SV2C: variants seen among roughly 807,000 people sequenced by gnomAD.
The protein encoded by SV2C is solute carrier family 22 member B3.
SV2C carries 49 observed loss-of-function variants against 79.7 expected under a neutral mutation model. That is an observed-to-expected ratio of 0.61 (90% CI 0.49 to 0.78). SV2C has a LOEUF of 0.78. SV2C is among the 30% of genes least tolerant of loss of function. The pLI is 0.00. For synonymous variants in SV2C, 334 were observed against 333.2 expected (o/e 1.00, Z -0.03); for missense variants, 833 against 912.9 (o/e 0.91, Z 1.13).
intron 2 of SV2C, among the ~76,000 whole-genome samples, chr5:76,146,326 C>T (rs1226138251): frequency 2.0e-5 from 3 of 152,186 alleles, no homozygotes; most frequent in African/African-American, 7.2e-5. Flanking sequence ...AGAATAGCTA[C>T]TCCATGGACC....
chr5:75,957,474 A>C, the SV2C span, among the ~76,000 whole-genome samples: 2 of 152,026 alleles, frequency 1.3e-5, no homozygotes, highest in Admixed American at 1.3e-4. Context: ...TAATCTGGTG[A>C]CTGTCTTATC....
the SV2C span, among the ~76,000 whole-genome samples, chr5:75,995,491 G>C: frequency 6.6e-6 from 1 of 152,058 alleles, no homozygotes; most frequent in Non-Finnish European, 1.5e-5. Context: ...CTATGGAAAT[G>C]CAGTATATTA....
chr5:76,240,709 C>A (rs1205208310), intron 4 of SV2C, among the ~76,000 whole-genome samples: 1 of 152,164 alleles, frequency 6.6e-6, no homozygotes, highest in African/African-American at 2.4e-5. Flanking sequence ...GGGTTCACCT[C>A]TCAAGTAAAC....
chr5:75,895,519 A>G, the SV2C span, among the ~76,000 whole-genome samples: 1 of 152,120 alleles, frequency 6.6e-6, no homozygotes, highest in Non-Finnish European at 1.5e-5. Context: ...AGGAAGCATG[A>G]TGGTGGGGAA....
chr5:76,220,631 A>AG (rs1421015904), intron 4 of SV2C, among the ~76,000 whole-genome samples: 3 of 151,816 alleles, frequency 2.0e-5, no homozygotes, highest in Non-Finnish European at 4.4e-5. Context: ...AAAAAAAAAA[A>AG]AAAAAGAATT....
At chr5:76,312,384 C>T (rs1264839614) in intron 12 of SV2C, among the ~76,000 whole-genome samples, 1 of 152,290 alleles carries the variant, frequency 6.6e-6, no homozygotes, top group African/African-American at 2.4e-5. Flanking sequence ...TCCTGAGTAA[C>T]TGGGATTATA....
intron 12 of SV2C, among the ~76,000 whole-genome samples, chr5:76,307,526 A>C (rs1011835493): frequency 1.3e-5 from 2 of 152,162 alleles, no homozygotes; most frequent in East Asian, 3.8e-4. Flanking sequence ...TCTGCTTAGG[A>C]CTGGTCTGCT....
the SV2C span, among the ~76,000 whole-genome samples, chr5:75,895,765 GT>G: frequency 1.3e-5 from 2 of 152,058 alleles, no homozygotes; most frequent in Admixed American, 6.6e-5. Flanking sequence ...AGTAGAGAAG[GT>G]GACCTTTTCT....
chr5:76,060,182 A>G, the SV2C span, among the ~76,000 whole-genome samples: 1 of 152,136 alleles, frequency 6.6e-6, no homozygotes, highest in Non-Finnish European at 1.5e-5. Context: ...TTGAGTAGTT[A>G]ATGAACATTG....
At chr5:76,061,531 T>C in the SV2C span, among the ~76,000 whole-genome samples, 1 of 152,100 alleles carries the variant, frequency 6.6e-6, no homozygotes, top group Admixed American at 6.6e-5. Context: ...AGGAACCCTG[T>C]TTGATTCAGA....
the SV2C span, among the ~76,000 whole-genome samples, chr5:76,057,128 T>C: frequency 6.6e-6 from 1 of 152,178 alleles, no homozygotes; most frequent in African/African-American, 2.4e-5. Flanking sequence ...GATGTGGTCA[T>C]TTGGTGCTAC....
chr5:76,258,252 G>C (rs115130042), intron 4 of SV2C, among the ~76,000 whole-genome samples: 1,814 of 152,040 alleles, frequency 0.012, 42 homozygotes, highest in African/African-American at 0.043. Context: ...ACTGCTGCCC[G>C]GCCCTTTGGA....
intron 4 of SV2C, among the ~76,000 whole-genome samples, chr5:76,283,884 T>C (rs980385691): frequency 3.5e-4 from 54 of 152,342 alleles, no homozygotes; most frequent in South Asian, 2.1e-3. Flanking sequence ...ACTTCAGCTC[T>C]GTGGCCTTGA....
At chr5:76,185,259 A>C (rs1743877054) in intron 2 of SV2C, among the ~76,000 whole-genome samples, 1 of 152,200 alleles carries the variant, frequency 6.6e-6, no homozygotes, top group African/African-American at 2.4e-5. Flanking sequence ...ATGGGCTGGC[A>C]TTGAGTGTCT....
At chr5:76,219,967 A>G (rs1025146970) in intron 4 of SV2C, among the ~76,000 whole-genome samples, 12 of 152,176 alleles carry the variant, frequency 7.9e-5, no homozygotes, top group Admixed American at 7.9e-4. Context: ...TGATCTTAAA[A>G]TGGGGAAATG....
chr5:75,920,738 G>T, the SV2C span: 6 of 772,856 alleles, frequency 7.8e-6, no homozygotes, highest in Admixed American at 8.6e-5. Flanking sequence ...TCTCCTTGAA[G>T]GTGCGGTTCA....
intron 1 of SV2C, among the ~76,000 whole-genome samples, chr5:76,124,839 C>A (rs1339425646): frequency 4.6e-5 from 7 of 152,080 alleles, no homozygotes; most frequent in African/African-American, 7.2e-5. Context: ...TGGTCCAGTT[C>A]TTTTTAAAAT....
chr5:76,221,917 A>G (rs749614644), intron 4 of SV2C, among the ~76,000 whole-genome samples: 2 of 152,190 alleles, frequency 1.3e-5, no homozygotes, highest in Non-Finnish European at 2.9e-5. Flanking sequence ...ATAGATGCCT[A>G]CTCCATGAGC....
chr5:75,969,936 C>T, the SV2C span, among the ~76,000 whole-genome samples: 1 of 152,088 alleles, frequency 6.6e-6, no homozygotes, highest in Non-Finnish European at 1.5e-5. Context: ...AAGCACTCCT[C>T]AGCAAACGTA....
Sources: allele counts gnomAD v4.1 joint callset (sites outside exome capture counted in the v4.1 genomes callset), GRCh38; gene constraint gnomAD v4.1.1; transcripts MANE v1.5; gene names NCBI Gene and HGNC (gene_info 2026-07-23, HGNC 2026-07-21).